The following SNTN variants were observed in gnomAD, a reference collection of about 807,000 sequenced individuals.
The protein encoded by SNTN is sentan.
In SNTN, 13 loss-of-function variants were observed where a neutral mutation model predicts 12.3. The ratio of observed to expected loss-of-function variants is 1.05; its 90% confidence interval spans 0.69 to 1.67. The LOEUF is 1.67. Ranked by LOEUF, SNTN falls within the 40% of genes most tolerant of loss-of-function variation. The probability of loss-of-function intolerance (pLI) is 0.00; values close to 1 mark genes in which losing one functional copy is unlikely to be tolerated. For missense variants in SNTN, 189 were observed against 169.8 expected (o/e 1.11, Z -0.63); for synonymous variants, 69 against 58.5 (o/e 1.18, Z -0.82).
chr3:63,659,119 T>C (rs1700715200), intron 2 of SNTN, among the ~76,000 whole-genome samples: 1 of 152,198 alleles, frequency 6.6e-6, no homozygotes, highest in African/African-American at 2.4e-5. Flanking sequence ...TTTCCCTGTG[T>C]TCACAGCAGC....
chr3:63,660,599 T>C (rs1404771939), intron 3 of SNTN, among the ~76,000 whole-genome samples: 2 of 152,116 alleles, frequency 1.3e-5, no homozygotes. Context: ...TGACAATTGA[T>C]TGACTGTGAG....
At chr3:63,659,592 C>A (rs561880767) in intron 2 of SNTN, 133 bp from the exon 3 acceptor site, 2 of 950,076 alleles carry the variant, frequency 2.1e-6, no homozygotes, top group South Asian at 1.7e-5. Flanking sequence ...CTCCCACATC[C>A]TTCTCCCAGA....
intron 2 of SNTN, among the ~76,000 whole-genome samples, chr3:63,658,401 A>AATATATATATATAT (rs58847521): frequency 4.3e-4 from 53 of 123,134 alleles, no homozygotes; most frequent in African/African-American, 1.3e-3. Context: ...ACAAGTTGTA[A>AATATATATATATAT]ATATATATAT....
At chr3:63,656,972 C>T (rs1429318072) in intron 2 of SNTN, among the ~76,000 whole-genome samples, 1 of 152,120 alleles carries the variant, frequency 6.6e-6, no homozygotes, top group Non-Finnish European at 1.5e-5. Flanking sequence ...ATCGGACTGA[C>T]ATCAGAATGT....
chr3:63,655,909 G>C (rs1387326852), intron 2 of SNTN, among the ~76,000 whole-genome samples: 1 of 152,174 alleles, frequency 6.6e-6, no homozygotes, highest in African/African-American at 2.4e-5. Context: ...AGGAATGCAG[G>C]GTGAGTATAT....
intron 1 of SNTN, among the ~76,000 whole-genome samples, chr3:63,653,270 A>C (rs79737595): frequency 6.6e-6 from 1 of 152,282 alleles, no homozygotes; most frequent in Non-Finnish European, 1.5e-5. Context: ...TATGGATATG[A>C]ACTGCATGAT....
intron 1 of SNTN, among the ~76,000 whole-genome samples, chr3:63,654,143 T>C (rs1700651071): frequency 6.6e-6 from 1 of 152,242 alleles, no homozygotes; most frequent in Admixed American, 6.5e-5. Flanking sequence ...GTAACTGTCT[T>C]CTTTTCTAGA....
chr3:63,658,722 C>T (rs1700709772), intron 2 of SNTN, among the ~76,000 whole-genome samples: 1 of 152,044 alleles, frequency 6.6e-6, no homozygotes. Flanking sequence ...GTCTTGTCCG[C>T]TCTGTATTCT....
rs565513339 is a variant in SNTN, at chr3:63,652,748, C to A, written c.61C>A (p.Pro21Thr). Residue 21 changes from proline (P) to threonine (T), a missense_variant, in exon 1 of 4, where the codon CCT (proline) becomes ACT (threonine). By Grantham distance (38) the Pro-to-Thr change is conservative. Coordinates refer to ENST00000343837, the MANE Select transcript of SNTN (RefSeq NM_001080537.2). ...TCTCCACTTGGAAGGAGATCCCAAT[C>A]CTTCTGCAGCCCCAACATCCACCTG... ...KSLHLEGDPN[P>T]SAAPTSTCAP... 1.2e-6 allele frequency: 2 copies of A among 1,614,124 alleles called. No homozygotes were observed. Among genetic ancestry groups the A allele is most frequent in the East Asian group, 4.5e-5 (2 of 44,882 alleles).
chr3:63,662,952 T>C (rs1465688176), intron 3 of SNTN, among the ~76,000 whole-genome samples: 1 of 152,232 alleles, frequency 6.6e-6, no homozygotes, highest in African/African-American at 2.4e-5. Flanking sequence ...TTTCCTTCAA[T>C]CTGACTATTT....
chr3:63,653,260 T>C (rs1311284896), intron 1 of SNTN, among the ~76,000 whole-genome samples: 2 of 152,086 alleles, frequency 1.3e-5, no homozygotes, highest in East Asian at 3.9e-4. Flanking sequence ...GGGAAGGAGA[T>C]ATGGATATGA....
At chr3:63,658,085 AAC>A (rs1241825527) in intron 2 of SNTN, among the ~76,000 whole-genome samples, 2 of 152,010 alleles carry the variant, frequency 1.3e-5, no homozygotes, top group Admixed American at 1.3e-4. Flanking sequence ...TTTGCCTACA[AAC>A]ACCCTTCCAG....
Position 63,652,712 on chromosome 3 carries a change from CA to C in SNTN, c.26del (p.Gln9ArgfsTer39), listed in dbSNP as rs1452085303. 3.1e-6 allele frequency: 5 copies of C among 1,613,842 alleles called. No homozygotes were observed. The highest frequency in any genetic ancestry group is 4.2e-6 in the Non-Finnish European group (5 of 1,179,936). ...AATGGGTGGCTGTATGCACAGTACC[CA>C]GGACAAATCTCTCCACTTGGAAGGA... MGGCMHST[Q>X]DKSLHLEGDP... On this transcript the variant is annotated frameshift_variant, in exon 1 of 4. Coordinates refer to ENST00000343837, the MANE Select transcript of SNTN (RefSeq NM_001080537.2). LOFTEE classifies it high-confidence loss of function.
intron 3 of SNTN, among the ~76,000 whole-genome samples, chr3:63,663,229 C>G (rs1700760706): frequency 6.6e-6 from 1 of 152,094 alleles, no homozygotes; most frequent in South Asian, 2.1e-4. Context: ...AACCCTGGCT[C>G]CACACCAAAA....
chr3:63,661,613 A>G (rs918435860), intron 3 of SNTN, among the ~76,000 whole-genome samples: 15 of 151,812 alleles, frequency 9.9e-5, no homozygotes, highest in African/African-American at 3.6e-4. Context: ...CTTTTTTTAA[A>G]TTTACTTTTT....
rs1559562152 is a variant in SNTN, at chr3:63,664,086, T to C, written c.435T>C (p.Ile145=). The C allele has an allele frequency of 6.2e-6, 10 of 1,606,150 alleles. No homozygotes were observed. Among genetic ancestry groups the C allele is most frequent in the Non-Finnish European group, 8.5e-6 (10 of 1,176,990 alleles). Residue 145 remains isoleucine (I), a synonymous_variant, in exon 4 of 4, where the codon ATT becomes ATC. Coordinates refer to ENST00000343837, the MANE Select transcript of SNTN (RefSeq NM_001080537.2). ...DLLQNIRNVK[I]MK is the part of the protein sequence containing the mutation. ...TACAAAATATACGGAATGTAAAAAT[T>C]ATGAAATGAACAGTTTTAAATATGC...
At position 63,663,966 on chromosome 3, in the gene SNTN, G is replaced by T; in HGVS notation, c.315G>T (p.Glu105Asp). 1 of 1,613,208 alleles carries T rather than the reference G, an allele frequency of 6.2e-7. No homozygotes were observed. The highest frequency in any genetic ancestry group is 8.5e-7 in the Non-Finnish European group (1 of 1,179,810). Residue 105 changes from glutamate (E) to aspartate (D), a missense_variant, in exon 4 of 4, where the codon GAG (glutamate) becomes GAT (aspartate). Physicochemically the swap from Glu to Asp is conservative, Grantham distance 45. Coordinates refer to ENST00000343837, the MANE Select transcript of SNTN (RefSeq NM_001080537.2). The stretch of plus-strand genomic sequence containing the variant: ...AAGAAACCAAGCCAAAATACAGAGA[G>T]ATCCTTTCTGAACTTGATGAGCACA... Reference protein sequence around the residue: ...EGQETKPKYREILSELDEHTE... With the variant: ...EGQETKPKYRDILSELDEHTE...
chr3:63,662,307 A>G (rs1700751176), intron 3 of SNTN, among the ~76,000 whole-genome samples: 1 of 152,134 alleles, frequency 6.6e-6, no homozygotes, highest in African/African-American at 2.4e-5. Context: ...TGATAAACTG[A>G]GCTGGTTCTT....
chr3:63,662,889 C>G (rs540242947), intron 3 of SNTN, among the ~76,000 whole-genome samples: 1 of 152,292 alleles, frequency 6.6e-6, no homozygotes, highest in Non-Finnish European at 1.5e-5. Flanking sequence ...AGATATTTCA[C>G]AAGCTGTGAT....
Sources: allele counts gnomAD v4.1 joint callset (sites outside exome capture counted in the v4.1 genomes callset), GRCh38; gene constraint gnomAD v4.1.1; transcripts MANE v1.5; gene names NCBI Gene and HGNC (gene_info 2026-07-23, HGNC 2026-07-21).